The following SUGCT variants were observed in gnomAD, a reference collection of about 807,000 sequenced individuals.
SUGCT encodes the protein succinyl-CoA:glutarate-CoA transferase, also known as succinyl-CoA:glutarate CoA-transferase.
In SUGCT, 41 loss-of-function variants were observed where a neutral mutation model predicts 55.0. That is an observed-to-expected ratio of 0.74 (90% CI 0.58 to 0.97). The LOEUF is 0.97. SUGCT is among the 50% of genes least tolerant of loss of function. The pLI, the probability that SUGCT is intolerant of heterozygous loss-of-function variation, is 0.00. For synonymous variants in SUGCT, 187 were observed against 200.4 expected (o/e 0.93, Z 0.56); for missense variants, 568 against 547.8 (o/e 1.04, Z -0.37).
intron 12 of SUGCT, among the ~76,000 whole-genome samples, chr7:40,576,311 C>T (rs1158166223): frequency 6.6e-6 from 1 of 152,118 alleles, no homozygotes; most frequent in Non-Finnish European, 1.5e-5. Context: ...TTGTCTTCTC[C>T]CCTGCAGCTA....
chr7:40,449,677 T>C (rs1006095974), intron 10 of SUGCT, among the ~76,000 whole-genome samples: 3 of 152,088 alleles, frequency 2.0e-5, no homozygotes, highest in African/African-American at 7.2e-5. Context: ...ACCTCCCTCC[T>C]TCCCTTCCTG....
At chr7:40,876,035 A>G in the SUGCT span, among the ~76,000 whole-genome samples, 124 of 152,346 alleles carry the variant, frequency 8.1e-4, no homozygotes, top group Middle Eastern at 6.8e-3. Flanking sequence ...TGGGTTTTGG[A>G]CAACCCATTG....
chr7:40,844,552 C>G (rs1035601303), intron 13 of SUGCT, among the ~76,000 whole-genome samples: 3 of 152,202 alleles, frequency 2.0e-5, no homozygotes, highest in African/African-American at 7.2e-5. Flanking sequence ...TGCTGCTCCA[C>G]TCTGCTCTCC....
At chr7:40,360,741 AG>A (rs1277582730) in intron 9 of SUGCT, among the ~76,000 whole-genome samples, 3 of 152,218 alleles carry the variant, frequency 2.0e-5, no homozygotes, top group Non-Finnish European at 4.4e-5. Flanking sequence ...GAGGTTTCTA[AG>A]GGCTTTGTAA....
At chr7:40,857,294 G>A (rs2128806480) in intron 13 of SUGCT, among the ~76,000 whole-genome samples, 1 of 152,258 alleles carries the variant, frequency 6.6e-6, no homozygotes, top group East Asian at 1.9e-4. Context: ...CTTATTCAGA[G>A]AGGGATGTCC....
At chr7:40,365,742 C>T (rs909836527) in intron 9 of SUGCT, among the ~76,000 whole-genome samples, 2 of 151,830 alleles carry the variant, frequency 1.3e-5, no homozygotes, top group African/African-American at 4.8e-5. Flanking sequence ...AACTACAAAC[C>T]ACTGCTCAAT....
intron 13 of SUGCT, among the ~76,000 whole-genome samples, chr7:40,774,777 TAAAA>T (rs5883739): frequency 2.3e-5 from 3 of 132,622 alleles, no homozygotes; most frequent in African/African-American, 2.9e-5. Flanking sequence ...TTTTGGCAAA[TAAAA>T]AAAAAAAAAA....
chr7:40,872,214 G>T, the SUGCT span, among the ~76,000 whole-genome samples: 1 of 152,142 alleles, frequency 6.6e-6, no homozygotes, highest in Non-Finnish European at 1.5e-5. Context: ...GCGGGTGCCT[G>T]ACCGTCCCAT....
At chr7:40,418,424 C>T (rs1787126449) in intron 9 of SUGCT, among the ~76,000 whole-genome samples, 1 of 152,158 alleles carries the variant, frequency 6.6e-6, no homozygotes, top group East Asian at 1.9e-4. Flanking sequence ...TGTTGCCTTG[C>T]CATGTTCCTG....
chr7:40,657,467 A>G (rs1801072732), intron 12 of SUGCT, among the ~76,000 whole-genome samples: 2 of 152,050 alleles, frequency 1.3e-5, no homozygotes, highest in African/African-American at 4.8e-5. Context: ...TCAAGTGCTC[A>G]GTCAGGCCCT....
At chr7:40,885,151 T>C in the SUGCT span, among the ~76,000 whole-genome samples, 4 of 152,100 alleles carry the variant, frequency 2.6e-5, no homozygotes, top group African/African-American at 9.7e-5. Flanking sequence ...GGTTATGGTA[T>C]TGGTGTTGAG....
chr7:40,753,352 C>T (rs1263024897), intron 13 of SUGCT, among the ~76,000 whole-genome samples: 1 of 152,166 alleles, frequency 6.6e-6, no homozygotes, highest in Non-Finnish European at 1.5e-5. Context: ...ACAAGAAACA[C>T]AAGCTACAGT....
chr7:40,338,620 T>A (rs1261100038), intron 9 of SUGCT, among the ~76,000 whole-genome samples: 2 of 152,228 alleles, frequency 1.3e-5, no homozygotes, highest in African/African-American at 4.8e-5. Flanking sequence ...AGGTCTTCTC[T>A]ACACTGGTTA....
At chr7:40,988,551 G>A in the SUGCT span, among the ~76,000 whole-genome samples, 1 of 151,918 alleles carries the variant, frequency 6.6e-6, no homozygotes, top group African/African-American at 2.4e-5. Context: ...AGCTGTATAG[G>A]TCCTAAAATG....
intron 12 of SUGCT, among the ~76,000 whole-genome samples, chr7:40,652,980 C>G (rs1001462904): frequency 5.3e-5 from 8 of 152,184 alleles, no homozygotes; most frequent in Non-Finnish European, 2.9e-5. Context: ...TGGCTTTTCC[C>G]TTACCTATTA....
the SUGCT span, among the ~76,000 whole-genome samples, chr7:41,032,036 C>T: frequency 1.3e-5 from 2 of 152,016 alleles, 1 homozygote; most frequent in South Asian, 4.2e-4. Flanking sequence ...TAAAATTAGA[C>T]TGAAGATGCT....
intron 12 of SUGCT, among the ~76,000 whole-genome samples, chr7:40,622,532 T>G (rs1368136345): frequency 1.3e-5 from 2 of 148,682 alleles, no homozygotes; most frequent in African/African-American, 4.9e-5. Context: ...GTGGTTGTTT[T>G]TTTTTTTTTT....
intron 9 of SUGCT, among the ~76,000 whole-genome samples, chr7:40,371,494 G>A (rs1341653291): frequency 2.6e-5 from 4 of 152,072 alleles, no homozygotes; most frequent in South Asian, 2.1e-4. Flanking sequence ...ATGCTTTTTT[G>A]TGCACTTCAG....
At chr7:40,739,107 C>T (rs951430389) in intron 12 of SUGCT, among the ~76,000 whole-genome samples, 1 of 152,124 alleles carries the variant, frequency 6.6e-6, no homozygotes, top group Non-Finnish European at 1.5e-5. Flanking sequence ...CCCTGTTCCC[C>T]AATGGTAACT....
Sources: gnomAD v4.1 joint callset for allele counts (sites outside exome capture counted in the v4.1 genomes callset) on GRCh38, gnomAD v4.1.1 for gene constraint, MANE v1.5 for transcripts, NCBI Gene and HGNC (gene_info 2026-07-23, HGNC 2026-07-21) for gene names.